INSC: variants seen among roughly 807,000 people sequenced by gnomAD.
INSC encodes the protein INSC spindle orientation adaptor protein, also known as protein inscuteable homolog.
Under a neutral mutation model 58.6 loss-of-function variants are expected in INSC, and 67 were observed. The observed-to-expected ratio is 1.14, with a 90% CI of 0.94 to 1.40. The LOEUF (loss-of-function observed/expected upper bound fraction) is 1.40. Among genes scored for constraint, INSC ranks in the 40% most tolerant of loss-of-function variants. The probability of loss-of-function intolerance (pLI) is 0.00; values close to 1 mark genes in which losing one functional copy is unlikely to be tolerated. For missense variants in INSC, 714 were observed against 692.0 expected (o/e 1.03, Z -0.36); for synonymous variants, 262 against 276.1 (o/e 0.95, Z 0.51).
At chr11:15,174,438 G>A (rs375456330) in intron 2 of INSC, among the ~76,000 whole-genome samples, 12 of 152,060 alleles carry the variant, frequency 7.9e-5, no homozygotes, top group African/African-American at 2.9e-4. Flanking sequence ...AAAATTGACT[G>A]TTCTCTCACT....
intron 2 of INSC, among the ~76,000 whole-genome samples, chr11:15,163,849 G>A (rs1365902416): frequency 6.6e-6 from 1 of 152,136 alleles, no homozygotes; most frequent in Non-Finnish European, 1.5e-5. Flanking sequence ...CGGCCTCCCA[G>A]AGTGCTGGGA....
intron 1 of INSC, among the ~76,000 whole-genome samples, chr11:15,124,339 A>C (rs1002101298): frequency 6.6e-6 from 1 of 152,096 alleles, no homozygotes; most frequent in African/African-American, 2.4e-5. Context: ...AAGTGGCCAC[A>C]CTGATTACTC....
chr11:15,194,241 C>T (rs1312999332), intron 6 of INSC, among the ~76,000 whole-genome samples: 2 of 152,130 alleles, frequency 1.3e-5, no homozygotes, highest in Non-Finnish European at 2.9e-5. Flanking sequence ...ATGACATCAC[C>T]ATTGGAGACA....
intron 6 of INSC, among the ~76,000 whole-genome samples, chr11:15,194,157 T>C (rs1221867108): frequency 1.3e-5 from 2 of 152,254 alleles, no homozygotes; most frequent in Non-Finnish European, 2.9e-5. Flanking sequence ...AGAGCAAATA[T>C]AGGCAACTAA....
At chr11:15,258,810 C>T in the INSC span, among the ~76,000 whole-genome samples, 4 of 152,290 alleles carry the variant, frequency 2.6e-5, no homozygotes, top group South Asian at 4.1e-4. Flanking sequence ...TTGCTCACTG[C>T]ACACGTTTAG....
chr11:15,240,632 T>C (rs1170788889), intron 12 of INSC, 109 bp downstream of exon 12: 5 of 790,334 alleles, frequency 6.3e-6, no homozygotes, highest in Non-Finnish European at 1.1e-5. Context: ...ATAAAACCTC[T>C]CTGGGCTTTA....
intron 9 of INSC, among the ~76,000 whole-genome samples, chr11:15,228,419 C>T (rs1792564): frequency 0.63 from 95,986 of 152,012 alleles, 30,794 homozygotes; most frequent in East Asian, 0.9. Flanking sequence ...TACCTTTTCA[C>T]GTTACTCCAC....
intron 5 of INSC, among the ~76,000 whole-genome samples, chr11:15,186,928 T>C (rs995621974): frequency 2.0e-5 from 3 of 152,164 alleles, no homozygotes; most frequent in Non-Finnish European, 4.4e-5. Flanking sequence ...TAAGGGTCAG[T>C]AATTTGGACA....
At chr11:15,253,632 C>CTTT in the INSC span, among the ~76,000 whole-genome samples, 52 of 146,576 alleles carry the variant, frequency 3.5e-4, 1 homozygote, top group Admixed American at 3.4e-4. Flanking sequence ...TTTGCAGGGT[C>CTTT]TTTTTTTTTT....
At chr11:15,264,717 C>G in the INSC span, among the ~76,000 whole-genome samples, 1 of 151,868 alleles carries the variant, frequency 6.6e-6, no homozygotes, top group Admixed American at 6.6e-5. Context: ...AGATTGGACC[C>G]ACCTGGATAC....
At position 15,221,599 on chromosome 11, in the gene INSC, C is replaced by G; in HGVS notation, c.942C>G (p.His314Gln). The stretch of plus-strand genomic sequence containing the variant: ...CCCCACACCTGCCCGTCACCCAGCA[C>G]CTCAGTAGCTTCCTGGAGAGCATGG... The part of the protein sequence containing the change: ...VTSPHLPVTQ[H>Q]LSSFLESMEE... Residue 314 changes from histidine to glutamine, a missense_variant, in exon 8 of 13, where the codon CAC becomes CAG. Transcript: ENST00000379556. 6.2e-7 allele frequency: 1 copy of G among 1,613,954 alleles called. No homozygotes were observed. Among genetic ancestry groups the G allele is most frequent in the Non-Finnish European group, 8.5e-7 (1 of 1,179,944 alleles).
chr11:15,209,477 T>C (rs1275313631), intron 7 of INSC, among the ~76,000 whole-genome samples: 2 of 152,284 alleles, frequency 1.3e-5, no homozygotes, highest in East Asian at 3.9e-4. Flanking sequence ...CATCTCGCTC[T>C]AAGGCCTCCT....
intron 1 of INSC, among the ~76,000 whole-genome samples, chr11:15,132,697 C>G (rs1848152298): frequency 6.6e-6 from 1 of 152,202 alleles, no homozygotes; most frequent in Non-Finnish European, 1.5e-5. Flanking sequence ...TACATTCTTT[C>G]TGCCTGAAGC....
At chr11:15,174,223 T>C (rs1849499479) in intron 2 of INSC, among the ~76,000 whole-genome samples, 1 of 152,214 alleles carries the variant, frequency 6.6e-6, no homozygotes, top group Admixed American at 6.5e-5. Context: ...TGCCCTCAGA[T>C]AGCCACATGG....
At chr11:15,173,967 C>T (rs1849489121) in intron 2 of INSC, among the ~76,000 whole-genome samples, 1 of 152,156 alleles carries the variant, frequency 6.6e-6, no homozygotes, top group Non-Finnish European at 1.5e-5. Context: ...TTTGCTTCAC[C>T]AGGCTGGCCT....
At chr11:15,238,501 AGCGGCTCCCCCAACT>A (rs1852216328) in intron 10 of INSC, among the ~76,000 whole-genome samples, 1 of 152,174 alleles carries the variant, frequency 6.6e-6, no homozygotes, top group South Asian at 2.1e-4. Context: ...GAATTTTAAT[AGCGGCTCCCCCAACT>A]GCTAACCATG....
chr11:15,222,804 A>G (rs927686710), intron 8 of INSC, among the ~76,000 whole-genome samples: 1 of 152,198 alleles, frequency 6.6e-6, no homozygotes, highest in Non-Finnish European at 1.5e-5. Flanking sequence ...GGAGAAATCA[A>G]TTTGCCAATG....
chr11:15,195,293 A>G lies in INSC; in HGVS notation c.693+4479A>G, dbSNP rs181669445. ...AGTAAGTAGCTGAACTTCTTTTGGA[A>G]CAATTACCATTTTTCCCTTTCAAAA... On this transcript the variant is annotated intron_variant, in intron 6 of 12. Coordinates refer to ENST00000379556, the MANE Select transcript of INSC (RefSeq NM_001042536.3). Among the ~76,000 whole-genome samples, 49 of 152,286 alleles carry G rather than the reference A, an allele frequency of 3.2e-4. No homozygotes were observed. In the East Asian group the frequency reaches 8.9e-3, roughly 28 times the overall value.
chr11:15,131,368 A>C (rs1408031060), intron 1 of INSC, among the ~76,000 whole-genome samples: 1 of 152,028 alleles, frequency 6.6e-6, no homozygotes, highest in African/African-American at 2.4e-5. Flanking sequence ...AATCTTCTGA[A>C]ATTTGTTGAG....
Sources: allele counts gnomAD v4.1 joint callset (sites outside exome capture counted in the v4.1 genomes callset), GRCh38; gene constraint gnomAD v4.1.1; transcripts MANE v1.5; gene names NCBI Gene and HGNC (gene_info 2026-07-23, HGNC 2026-07-21).